The following SPATC1L variants were observed in gnomAD, a reference collection of about 807,000 sequenced individuals.
SPATC1L encodes spermatogenesis and centriole associated 1 like, also known as speriolin-like protein.
A neutral mutation model predicts 21.2 loss-of-function variants in SPATC1L; 20 were observed. That is an observed-to-expected ratio of 0.94 (90% CI 0.66 to 1.37). The LOEUF (loss-of-function observed/expected upper bound fraction) is 1.37, where lower values mean the gene tolerates loss of function less well. Ranked by LOEUF, SPATC1L falls within the 40% of genes most tolerant of loss-of-function variation. SPATC1L has a pLI of 0.00. For missense variants in SPATC1L, 499 were observed against 478.7 expected (o/e 1.04, Z -0.40); for synonymous variants, 290 against 234.5 (o/e 1.24, Z -2.16).
At chr21:46,174,904 A>G (rs1223608669) in intron 2 of SPATC1L, among the ~76,000 whole-genome samples, 1 of 152,252 alleles carries the variant, frequency 6.6e-6, no homozygotes, top group Non-Finnish European at 1.5e-5. Flanking sequence ...CAATCACATA[A>G]TTGGAAGTAA....
rs1249875286 is a variant in SPATC1L, at chr21:46,182,761, T to C, written c.56A>G (p.Lys19Arg). The C allele has an allele frequency of 1.3e-6, 2 of 1,547,942 alleles. No individual in the cohort carries two copies. Among genetic ancestry groups the C allele is most frequent in the Admixed American group, 2.0e-5 (1 of 50,936 alleles). Residue 19 changes from lysine (K) to arginine (R), a missense_variant, in exon 2 of 5, where the codon AAG becomes AGG. By Grantham distance (26) the Lys-to-Arg change is conservative (BLOSUM62 2). Transcript: ENST00000291672. ...SRLLSENADL[K>R]KQVRLLKENQ... The stretch of plus-strand genomic sequence containing the variant: ...CTCCTTCAGGAGGCGCACCTGCTTC[T>C]TCAGGTCCGCGTTCTCGCTCAGGAG...
At chr21:46,177,677 T>C (rs909132891) in intron 2 of SPATC1L, among the ~76,000 whole-genome samples, 4 of 152,202 alleles carry the variant, frequency 2.6e-5, no homozygotes, top group African/African-American at 7.2e-5. Flanking sequence ...AGTTCAGCCA[T>C]TGTGGAAGAC....
At chr21:46,175,523 T>C (rs2079626419) in intron 2 of SPATC1L, among the ~76,000 whole-genome samples, 1 of 152,144 alleles carries the variant, frequency 6.6e-6, no homozygotes, top group African/African-American at 2.4e-5. Context: ...GAAAATATTA[T>C]GAAAACCTCT....
intron 2 of SPATC1L, among the ~76,000 whole-genome samples, chr21:46,180,294 G>A (rs2079662838): frequency 6.6e-6 from 1 of 152,176 alleles, no homozygotes; most frequent in Non-Finnish European, 1.5e-5. Context: ...GCACAATCCC[G>A]TGTAGGTGGA....
At chr21:46,165,328 T>G (rs766894312) in intron 3 of SPATC1L, among the ~76,000 whole-genome samples, 2 of 152,248 alleles carry the variant, frequency 1.3e-5, no homozygotes, top group Non-Finnish European at 2.9e-5. Flanking sequence ...AATCTTATCA[T>G]GATTTCCTCA....
chr21:46,167,158 C>T (rs560333532), intron 3 of SPATC1L, among the ~76,000 whole-genome samples: 4 of 152,124 alleles, frequency 2.6e-5, no homozygotes, highest in East Asian at 1.9e-4. Context: ...TTAAACAATA[C>T]GCTCCTGGAT....
At chr21:46,167,856 C>T (rs1261798321) in intron 3 of SPATC1L, among the ~76,000 whole-genome samples, 6 of 152,180 alleles carry the variant, frequency 3.9e-5, no homozygotes, top group Non-Finnish European at 8.8e-5. Context: ...TCTAGAACAA[C>T]ACACAGGAGA....
chr21:46,171,104 C>A (rs1005555883), intron 2 of SPATC1L, among the ~76,000 whole-genome samples: 2 of 152,232 alleles, frequency 1.3e-5, no homozygotes, highest in African/African-American at 2.4e-5. Flanking sequence ...CTTTCCACAC[C>A]AAGGGGGAGG....
chr21:46,183,939 G>T (rs2079702677), intron 1 of SPATC1L, among the ~76,000 whole-genome samples, 165 bp from the exon 2 acceptor site: 1 of 143,238 alleles, frequency 7.0e-6, no homozygotes, highest in African/African-American at 2.5e-5. Context: ...CAGCCTTGTG[G>T]GGGAGACCAG....
chr21:46,184,425 C>T lies in SPATC1L; in HGVS notation c.-1028G>A, dbSNP rs1027679552. Reference sequence around the variant, plus strand: ...CCGGGATGCAACAGATGGGTCATCTCATCCTCATGGGAAGGGACGTACGGC... The same window carrying T: ...CCGGGATGCAACAGATGGGTCATCTTATCCTCATGGGAAGGGACGTACGGC... On this transcript the variant is annotated 5_prime_UTR_variant, in exon 1 of 5. The change abolishes an upstream ATG in the 5' untranslated region. Coordinates refer to ENST00000291672, the MANE Select transcript of SPATC1L (RefSeq NM_001142854.2). The T allele has an allele frequency of 6.1e-6, 1 of 163,320 alleles. No individual in the cohort carries two copies. Among genetic ancestry groups the T allele is most frequent in the Non-Finnish European group, 1.3e-5 (1 of 74,090 alleles). 10.1% of individuals were successfully genotyped at this position (163,320 alleles called of 1,614,324 possible). A position where few individuals can be genotyped will look rare whatever the true frequency, so the allele number is the denominator to read the frequency against.
chr21:46,161,800 T>G, intron 4 of SPATC1L, 95 bp from the exon 5 acceptor site: 3 of 1,491,478 alleles, frequency 2.0e-6, no homozygotes, highest in Non-Finnish European at 2.7e-6. Context: ...CCCGCCTGGG[T>G]CCCCGGGGTC....
intron 3 of SPATC1L, among the ~76,000 whole-genome samples, chr21:46,162,295 G>A (rs1350262494): frequency 6.6e-6 from 1 of 152,164 alleles, no homozygotes; most frequent in Non-Finnish European, 1.5e-5. Flanking sequence ...GTCCCTTTGC[G>A]ATGAGGTAAA....
chr21:46,164,457 G>A (rs2123620483), intron 3 of SPATC1L, among the ~76,000 whole-genome samples: 1 of 152,246 alleles, frequency 6.6e-6, no homozygotes, highest in South Asian at 2.1e-4. Flanking sequence ...GGAAGAGCAG[G>A]TGTAATCTCC....
Position 46,168,079 on chromosome 21 carries a change from C to T in SPATC1L, c.544+229G>A, listed in dbSNP as rs530997781. ...GACTCATATCCAGACACATAAAGAA[C>T]TCTCACAACTTCCCAAGAAGAAGAT... On this transcript the variant is annotated intron_variant, in intron 3 of 4. Transcript: ENST00000291672. 2.6e-5 allele frequency among the ~76,000 whole-genome samples: 4 copies of T among 152,268 alleles called. No homozygotes were observed. In the East Asian group the frequency reaches 5.8e-4, roughly 22 times the overall value.
rs772504883 is a variant in SPATC1L, at chr21:46,162,051, C to T, written c.561G>A (p.Ala187=). 7.6e-6 allele frequency: 12 copies of T among 1,579,962 alleles called. No homozygotes were observed. The highest frequency in any genetic ancestry group is 4.6e-5 in the East Asian group (2 of 43,556). ...CCACGCGCGCGTCCTTCTCGGCGCC[C>T]GCGAAGCTCTGGATCTCTGGGGGAG... The part of the protein sequence containing the change: ...SYYLNEIQSF[A]GAEKDARVVG... Residue 187 remains alanine (A), a synonymous_variant, in exon 4 of 5, where the codon GCG becomes GCA. Coordinates refer to ENST00000291672, the MANE Select transcript of SPATC1L (RefSeq NM_001142854.2).
intron 3 of SPATC1L, among the ~76,000 whole-genome samples, 192 bp from the exon 4 acceptor site, chr21:46,162,259 C>A (rs1182776605): frequency 1.3e-5 from 2 of 152,168 alleles, no homozygotes; most frequent in East Asian, 3.9e-4. Context: ...CCAGCCTTCC[C>A]TTCCCCCTGT....
chr21:46,164,301 C>T (rs1319077064), intron 3 of SPATC1L, among the ~76,000 whole-genome samples: 3 of 152,172 alleles, frequency 2.0e-5, no homozygotes, highest in Non-Finnish European at 4.4e-5. Flanking sequence ...GTGTGAGCCA[C>T]TGTGCCTGGT....
rs3057184 is a variant in SPATC1L at position 46,162,590 on chromosome 21, C to CTTTTTTTTT, written c.545-532_545-524dup. Among the ~76,000 whole-genome samples, 564 of 133,402 alleles carry CTTTTTTTTT rather than the reference C, an allele frequency of 4.2e-3. 49 individuals carry two copies. The South Asian group carries it at 0.077, about 18-fold the overall frequency. 87.5% of individuals were successfully genotyped at this position (133,402 alleles called of 152,430 possible). The stretch of plus-strand genomic sequence containing the variant: ...GAAAAGGACCGCTGGGTTGGCAGGA[C>CTTTTTTTTT]TTTTTTTTTTTTCTTAGACAGAGTC... On this transcript the variant is annotated intron_variant, in intron 3 of 4. Coordinates refer to ENST00000291672, the MANE Select transcript of SPATC1L (RefSeq NM_001142854.2).
At chr21:46,170,245 C>CT (rs375037523) in intron 2 of SPATC1L, among the ~76,000 whole-genome samples, 43 of 33,910 alleles carry the variant, frequency 1.3e-3, no homozygotes, top group South Asian at 1.8e-3. Context: ...GGGGAGGAGC[C>CT]CCCTGCTCTG....
Sources: gnomAD v4.1 joint callset for allele counts (sites outside exome capture counted in the v4.1 genomes callset) on GRCh38, gnomAD v4.1.1 for gene constraint, MANE v1.5 for transcripts, NCBI Gene and HGNC (gene_info 2026-07-23, HGNC 2026-07-21) for gene names.